The following CLCN5 variants were observed in gnomAD, a reference collection of about 807,000 sequenced individuals.
The protein encoded by CLCN5 is Cl-/H+ antiporter 5.
A neutral mutation model predicts 54.0 loss-of-function variants in CLCN5; 17 were observed. The observed-to-expected ratio is 0.31, with a 90% CI of 0.22 to 0.47. CLCN5 has a LOEUF of 0.47. Among genes scored for constraint, CLCN5 ranks in the 20% least tolerant of loss-of-function variants. The probability of loss-of-function intolerance (pLI) is 1.00; values close to 1 mark genes in which losing one functional copy is unlikely to be tolerated. For synonymous variants in CLCN5, 222 were observed against 233.0 expected (o/e 0.95, Z 0.43); for missense variants, 448 against 646.7 (o/e 0.69, Z 3.33).
chrX:49,927,226 T>G (rs1925394351), intron 3 of CLCN5, among the ~76,000 whole-genome samples: 1 of 112,422 alleles, frequency 8.9e-6, no homozygotes. Context: ...GGAAATGTCA[T>G]TACTAGTTAA....
At chrX:50,076,182 T>G (rs1380682191) in intron 7 of CLCN5, among the ~76,000 whole-genome samples, 200 bp downstream of exon 7, 2 of 112,216 alleles carry the variant, frequency 1.8e-5, no homozygotes, top group Non-Finnish European at 3.8e-5. Flanking sequence ...CATTTGACGC[T>G]TATGTTTAAA....
intron 3 of CLCN5, among the ~76,000 whole-genome samples, chrX:50,026,777 C>A (rs782304469): frequency 9.0e-6 from 1 of 111,510 alleles, no homozygotes; most frequent in East Asian, 2.8e-4. Context: ...TCTGTCCTTG[C>A]TCCTCCATAG....
At chrX:50,062,185 A>G (rs1294239443) in intron 4 of CLCN5, among the ~76,000 whole-genome samples, 1 of 93,243 alleles carries the variant, frequency 1.1e-5, no homozygotes, top group African/African-American at 4.1e-5. Context: ...AATGGACTAA[A>G]TTCTCCAATT....
At chrX:50,007,385 CTCTCTCTCTCTT>C (rs1228264370) in intron 3 of CLCN5, among the ~76,000 whole-genome samples, 25 of 97,395 alleles carry the variant, frequency 2.6e-4, no homozygotes, top group Non-Finnish European at 4.9e-4. Context: ...TTCTGTCTCT[CTCTCTCTCTCTT>C]TCTCTCTCTC....
intron 5 of CLCN5, 65 bp downstream of exon 5, chrX:50,070,095 A>G: frequency 1.0e-6 from 1 of 978,365 alleles, no homozygotes; most frequent in Non-Finnish European, 1.4e-6. Flanking sequence ...GAAGATACAT[A>G]TTCTTTCTAT....
At chrX:50,077,849 A>C (rs1264239160) in intron 7 of CLCN5, among the ~76,000 whole-genome samples, 7 of 84,829 alleles carry the variant, frequency 8.3e-5, no homozygotes, top group African/African-American at 3.2e-4. Flanking sequence ...AAAAAAAAAA[A>C]CATGTATATA....
chrX:50,045,062 T>C (rs1419362212), intron 4 of CLCN5, among the ~76,000 whole-genome samples: 3 of 111,272 alleles, frequency 2.7e-5, no homozygotes, highest in South Asian at 7.6e-4. Flanking sequence ...ATAAACTGAA[T>C]GACAATAGAT....
At chrX:49,940,127 T>G (rs1300997261) in intron 3 of CLCN5, among the ~76,000 whole-genome samples, 1 of 111,644 alleles carries the variant, frequency 9.0e-6, no homozygotes, top group Admixed American at 9.5e-5. Flanking sequence ...AGGCCTCATT[T>G]TGTAACGTGT....
chrX:49,941,516 T>A (rs1326260318), intron 3 of CLCN5, among the ~76,000 whole-genome samples: 2 of 111,075 alleles, frequency 1.8e-5, no homozygotes, highest in African/African-American at 6.6e-5. Context: ...ATCTTCTCTG[T>A]CTTTCTAGGA....
intron 3 of CLCN5, among the ~76,000 whole-genome samples, chrX:49,931,465 AAAT>A (rs1557168870): frequency 8.9e-6 from 1 of 112,183 alleles, no homozygotes; most frequent in African/African-American, 3.2e-5. Context: ...TTTCTGAAGG[AAAT>A]ATCAGATATA....
intron 3 of CLCN5, among the ~76,000 whole-genome samples, chrX:49,971,759 A>G (rs1450395018): frequency 8.9e-6 from 1 of 111,827 alleles, no homozygotes; most frequent in African/African-American, 3.3e-5. Flanking sequence ...ATGCTCAGAT[A>G]CCACCTGCTC....
At chrX:50,013,734 C>G (rs142931336) in intron 3 of CLCN5, among the ~76,000 whole-genome samples, 1 of 112,456 alleles carries the variant, frequency 8.9e-6, no homozygotes, top group Non-Finnish European at 1.9e-5. Context: ...CTCTCCTAGC[C>G]TTGCAGCCTA....
In CLCN5 at chrX:50,021,139, T is replaced by C. The variant is rs782426053; in HGVS notation, c.17-21177T>C. ...TGGAATGTTCTTCCATTTGTTTGTA[T>C]CCTCTTTTCTTTCCTTGAGCAGTGG... On this transcript the variant is annotated intron_variant, in intron 3 of 14. Coordinates refer to ENST00000376091, the MANE Select transcript of CLCN5 (RefSeq NM_001127898.4). 3.3e-5 allele frequency among the ~76,000 whole-genome samples: 3 copies of C among 91,398 alleles called. No homozygotes were observed. The South Asian group carries it at 1.4e-3, about 42-fold the overall frequency. 79.4% of individuals were successfully genotyped at this position (91,398 alleles called of 115,157 possible).
chrX:50,080,498 TGG>T, intron 7 of CLCN5, 94 bp from the exon 8 acceptor site: 4 of 738,298 alleles, frequency 5.4e-6, no homozygotes, highest in Non-Finnish European at 7.7e-6. Flanking sequence ...TTTTTTTTTT[TGG>T]ACTTTTTTTC....
rs111862072 is a variant in CLCN5 at position 50,039,701 on chromosome X, CT to C, written c.17-2606del. On this transcript the variant is annotated intron_variant, in intron 3 of 14. Coordinates refer to ENST00000376091, the MANE Select transcript of CLCN5 (RefSeq NM_001127898.4). ...TCAACACAGAATGAATTTTTTTTTT[CT>C]TTTTTTTTGAGATGGAGTCTTGCTC... Among the ~76,000 whole-genome samples the C allele has an allele frequency of 2.8e-5, 3 of 107,912 alleles. No homozygotes were observed. The South Asian group carries it at 1.2e-3, about 43-fold the overall frequency. The allele number at this position is 107,912 out of a possible 115,157, so 93.7% of individuals were successfully genotyped here. A position where few individuals can be genotyped will look rare whatever the true frequency, so the allele number is the denominator to read the frequency against.
intron 3 of CLCN5, among the ~76,000 whole-genome samples, chrX:49,933,059 C>T (rs1312421815): frequency 9.0e-6 from 1 of 110,588 alleles, no homozygotes; most frequent in Non-Finnish European, 1.9e-5. Flanking sequence ...CTAAGAGAAG[C>T]CATCTGGTCC....
intron 3 of CLCN5, among the ~76,000 whole-genome samples, chrX:50,002,681 C>CTGTGTGTGTGTGTGTG (rs60257335): frequency 1.1e-5 from 1 of 94,764 alleles, no homozygotes; most frequent in East Asian, 3.2e-4. Context: ...CTCTCTCTCT[C>CTGTGTGTGTGTGTGTG]TGTGTGTGTG....
chrX:49,942,017 T>C (rs1474597862), intron 3 of CLCN5, among the ~76,000 whole-genome samples: 1 of 99,519 alleles, frequency 1.0e-5, no homozygotes, highest in Non-Finnish European at 2.0e-5. Context: ...CCTGCACTTC[T>C]CTGGGCACTC....
chrX:49,972,580 A>G (rs1198402584), intron 3 of CLCN5, among the ~76,000 whole-genome samples: 1 of 111,721 alleles, frequency 9.0e-6, no homozygotes, highest in Non-Finnish European at 1.9e-5. Flanking sequence ...CATATCACAT[A>G]TGAAGAAACA....
Sources: allele counts gnomAD v4.1 joint callset (sites outside exome capture counted in the v4.1 genomes callset), GRCh38; gene constraint gnomAD v4.1.1; transcripts MANE v1.5; gene names NCBI Gene and HGNC (gene_info 2026-07-23, HGNC 2026-07-21).